MEIS1: variants seen among roughly 807,000 people sequenced by gnomAD.
MEIS1 encodes the protein homeobox protein Meis1.
Under a neutral mutation model 50.8 loss-of-function variants are expected in MEIS1, and 5 were observed. That is an observed-to-expected ratio of 0.10 (90% CI 0.05 to 0.21). The LOEUF (loss-of-function observed/expected upper bound fraction) is 0.21, where lower values mean the gene tolerates loss of function less well. Ranked by LOEUF, MEIS1 falls within the 10% of genes least tolerant of loss-of-function variation. MEIS1 has a pLI of 1.00. For synonymous variants in MEIS1, 176 were observed against 179.3 expected (o/e 0.98, Z 0.15); for missense variants, 318 against 517.3 (o/e 0.61, Z 3.74).
chr2:66,519,770 A>G (rs1433252523), intron 8 of MEIS1, among the ~76,000 whole-genome samples: 2 of 152,158 alleles, frequency 1.3e-5, no homozygotes, highest in East Asian at 1.9e-4. Context: ...TGGTATTTAA[A>G]TGAGACAGAA....
chr2:66,555,909 G>T (rs921952267), intron 9 of MEIS1, among the ~76,000 whole-genome samples: 1 of 152,208 alleles, frequency 6.6e-6, no homozygotes. Flanking sequence ...GGGCTCGGGG[G>T]AAGGAAGTGT....
chr2:66,450,740 T>C (rs1490103105), intron 6 of MEIS1, among the ~76,000 whole-genome samples: 1 of 152,212 alleles, frequency 6.6e-6, no homozygotes, highest in Non-Finnish European at 1.5e-5. Flanking sequence ...CATTCTAGTA[T>C]CAATACCTGG....
chr2:66,506,453 G>A (rs1673686837), intron 7 of MEIS1, among the ~76,000 whole-genome samples: 1 of 152,150 alleles, frequency 6.6e-6, no homozygotes, highest in Non-Finnish European at 1.5e-5. Flanking sequence ...GTCTGCTCAG[G>A]ACCGGAGGTG....
At chr2:66,508,415 C>T (rs935328025) in intron 7 of MEIS1, among the ~76,000 whole-genome samples, 2 of 152,246 alleles carry the variant, frequency 1.3e-5, no homozygotes, top group South Asian at 2.1e-4. Flanking sequence ...AATGCCCGAG[C>T]CTGTGCCTAG....
chr2:66,497,439 A>G (rs1673433533), intron 7 of MEIS1, among the ~76,000 whole-genome samples: 1 of 152,184 alleles, frequency 6.6e-6, no homozygotes, highest in African/African-American at 2.4e-5. Flanking sequence ...AATAAATGTT[A>G]GTTTTTAGTA....
rs184213912 is a variant in MEIS1, at chr2:66,550,862, T to C, written c.965+2843T>C. 6.0e-4 allele frequency among the ~76,000 whole-genome samples: 92 copies of C among 152,306 alleles called. 1 individual carries two copies. Among genetic ancestry groups the C allele is most frequent in the African/African-American group, 2.2e-3 (91 of 41,560 alleles). ...TACTGAGCATCGGTACAAGTTATTT[T>C]CTACTAAAAATAATAATTTTGAAAA... On this transcript the variant is annotated intron_variant, in intron 9 of 12. Coordinates refer to ENST00000272369, the MANE Select transcript of MEIS1 (RefSeq NM_002398.3).
intron 8 of MEIS1, among the ~76,000 whole-genome samples, chr2:66,520,301 C>T (rs991651451): frequency 1.5e-4 from 19 of 130,728 alleles, no homozygotes; most frequent in African/African-American, 3.8e-4. Context: ...AGTGAAACCC[C>T]GTCTCTACTA....
intron 12 of MEIS1, chr2:66,570,435 AT>A (rs1675457099): frequency 6.6e-6 from 1 of 152,176 alleles, no homozygotes; most frequent in Non-Finnish European, 1.5e-5. Flanking sequence ...TAGTTCAAAA[AT>A]GTTCCTTTAG....
chr2:66,562,065 T>TTTTTTTTTTTTTTTTTTTTTTTTTTTTTG (rs1675229539), intron 9 of MEIS1: 1 of 122,610 alleles, frequency 8.2e-6, no homozygotes, highest in Non-Finnish European at 1.7e-5. Flanking sequence ...TTTTTTTTTT[T>TTTTTTTTTTTTTTTTTTTTTTTTTTTTTG]TTTTTACTTT....
At chr2:66,547,270 T>C (rs574521818) in intron 8 of MEIS1, among the ~76,000 whole-genome samples, 3 of 152,312 alleles carry the variant, frequency 2.0e-5, no homozygotes, top group African/African-American at 7.2e-5. Flanking sequence ...CTATGACTCT[T>C]GAGGAACATA....
At chr2:66,492,514 T>C (rs1261666656) in intron 7 of MEIS1, among the ~76,000 whole-genome samples, 1 of 152,188 alleles carries the variant, frequency 6.6e-6, no homozygotes, top group Non-Finnish European at 1.5e-5. Context: ...AACTGCCTCC[T>C]GGGCAACTAA....
intron 7 of MEIS1, among the ~76,000 whole-genome samples, chr2:66,502,331 G>A (rs1021708924): frequency 2.0e-5 from 3 of 152,164 alleles, no homozygotes; most frequent in South Asian, 2.1e-4. Flanking sequence ...AACTGACCAT[G>A]AACTCTTTTA....
At position 66,538,259 on chromosome 2, in the gene MEIS1, T is replaced by A. The variant is rs1188973624; in HGVS notation, c.889-9684T>A. Among the ~76,000 whole-genome samples the A allele has an allele frequency of 2.0e-5, 3 of 152,224 alleles. No individual in the cohort carries two copies. The East Asian group carries it at 5.8e-4, about 29-fold the overall frequency. On this transcript the variant is annotated intron_variant, in intron 8 of 12. Coordinates refer to ENST00000272369, the MANE Select transcript of MEIS1 (RefSeq NM_002398.3). ...ACTACTTAGAGTCAAATCCCAGCTC[T>A]ATTTTACTTGCCAGTAAATTAGATT...
intron 9 of MEIS1, among the ~76,000 whole-genome samples, chr2:66,567,136 G>T (rs1216728137): frequency 6.6e-6 from 1 of 152,154 alleles, no homozygotes; most frequent in Non-Finnish European, 1.5e-5. Flanking sequence ...CTTTGCAAAT[G>T]AAAGGAGTGG....
chr2:66,529,373 A>G (rs1452267069), intron 8 of MEIS1, among the ~76,000 whole-genome samples: 1 of 152,182 alleles, frequency 6.6e-6, no homozygotes, highest in African/African-American at 2.4e-5. Context: ...GAAAGGCTGG[A>G]AAAGATCCTG....
intron 8 of MEIS1, among the ~76,000 whole-genome samples, chr2:66,520,708 T>C (rs1329436204): frequency 6.6e-6 from 1 of 152,220 alleles, no homozygotes; most frequent in Non-Finnish European, 1.5e-5. Context: ...AAATGTAATA[T>C]GTATGTATGT....
At chr2:66,543,913 C>A (rs778325825) in intron 8 of MEIS1, among the ~76,000 whole-genome samples, 2 of 152,186 alleles carry the variant, frequency 1.3e-5, no homozygotes, top group East Asian at 1.9e-4. Context: ...CTTTGATATC[C>A]CGAAGTGATT....
intron 7 of MEIS1, among the ~76,000 whole-genome samples, chr2:66,466,126 T>A (rs1332752225): frequency 6.6e-6 from 1 of 152,246 alleles, no homozygotes; most frequent in African/African-American, 2.4e-5. Flanking sequence ...TAAGTGGGTC[T>A]ATCCCCACTT....
chr2:66,476,572 C>A (rs116766094), intron 7 of MEIS1, among the ~76,000 whole-genome samples: 2,878 of 152,214 alleles, frequency 0.019, 53 homozygotes, highest in Non-Finnish European at 0.024. Flanking sequence ...GTTAAGTCTC[C>A]CTAGTGAGCA....
Sources: gnomAD v4.1 joint callset for allele counts (sites outside exome capture counted in the v4.1 genomes callset) on GRCh38, gnomAD v4.1.1 for gene constraint, MANE v1.5 for transcripts, NCBI Gene and HGNC (gene_info 2026-07-23, HGNC 2026-07-21) for gene names.